Variants in ZNF160 observed in about 807,000 individuals in gnomAD.
ZNF160 encodes the protein zinc finger protein 160, also known as KRAB zinc finger protein KR18.
Under a neutral mutation model 13.1 loss-of-function variants are expected in ZNF160, and 9 were observed. The ratio of observed to expected loss-of-function variants is 0.69; its 90% confidence interval spans 0.41 to 1.20. The LOEUF (loss-of-function observed/expected upper bound fraction) is 1.20. Ranked by LOEUF, ZNF160 falls within the 50% of genes most tolerant of loss-of-function variation. The probability of loss-of-function intolerance (pLI) is 0.01; values close to 1 mark genes in which losing one functional copy is unlikely to be tolerated. For synonymous variants in ZNF160, 293 were observed against 333.2 expected, an observed-to-expected ratio of 0.88 and a Z score of 1.31; for missense variants, 838 against 988.0, an observed-to-expected ratio of 0.85 and a Z score of 2.04.
Position 53,068,110 on chromosome 19 carries a change from G to C in ZNF160, c.2424C>G (p.His808Gln), listed in dbSNP as rs1041538261. The change falls in exon 6 of 6, where the codon CAC becomes CAG. Residue 808 changes from histidine (H) to glutamine (Q), a missense_variant. Around this residue, in one of 3 missense-constraint regions of ZNF160, gnomAD observed 51 missense variants for 46.9 expected, o/e 1.09. Coordinates refer to ENST00000683776, the MANE Select transcript of ZNF160 (RefSeq NM_001322131.2). ...FRQSSNLASH[H>Q]RMHTGEKPYK is the part of the protein sequence containing the mutation. Reference sequence around the variant, plus strand: ...AAGGTTTCTCTCCGGTATGCATTCTGTGATGACTTGCAAGATTTGAACTCT... The same window carrying C: ...AAGGTTTCTCTCCGGTATGCATTCTCTGATGACTTGCAAGATTTGAACTCT... The C allele has an allele frequency of 6.2e-7, 1 of 1,611,928 alleles. No homozygotes were observed. The highest frequency in any genetic ancestry group is 1.7e-5 in the Admixed American group (1 of 59,916).
intron 3 of ZNF160, chr19:53,085,475 G>A (rs1305366600): frequency 6.6e-6 from 1 of 152,396 alleles, no homozygotes; most frequent in Non-Finnish European, 1.5e-5. Context: ...ATATATACAT[G>A]ATGCCATGTT....
In ZNF160 at chr19:53,067,806, C is replaced by G; in HGVS notation, c.*271G>C. 2.8e-6 allele frequency: 1 copy of G among 357,308 alleles called. No homozygotes were observed. The highest frequency in any genetic ancestry group is 5.0e-6 in the Non-Finnish European group (1 of 198,518). The allele number at this position is 357,308 out of a possible 1,614,324, so 22.1% of individuals were successfully genotyped here. ...TATTCCTCCTAGGAATCCTCACTTA[C>G]CATCGGTCACTGGGTAATGGCCTCA... On this transcript the variant is annotated 3_prime_UTR_variant, in exon 6 of 6. Transcript: ENST00000683776.
intron 4 of ZNF160, among the ~76,000 whole-genome samples, chr19:53,074,715 A>C (rs567942279): frequency 6.6e-6 from 1 of 152,024 alleles, no homozygotes; most frequent in East Asian, 1.9e-4. Context: ...CCTTCTGAAT[A>C]CCCAGGAAAC....
At chr19:53,073,579 T>G in intron 5 of ZNF160, 1 of 1,498,284 alleles carries the variant, frequency 6.7e-7, no homozygotes, top group Non-Finnish European at 8.9e-7. Flanking sequence ...TATGGAGGCT[T>G]CCCCTCTGAC....
intron 2 of ZNF160, among the ~76,000 whole-genome samples, chr19:53,089,142 G>A (rs574515027): frequency 4.6e-5 from 7 of 152,268 alleles, no homozygotes; most frequent in South Asian, 2.1e-4. Context: ...ACAGTTGGTC[G>A]CCCAGAAGTT....
chr19:53,070,102 T>C lies in ZNF160; in HGVS notation c.432A>G (p.Gln144=), dbSNP rs376916813. 44 of 1,614,050 alleles carry C rather than the reference T, an allele frequency of 2.7e-5. No individual in the cohort carries two copies. The highest frequency in any genetic ancestry group is 1.4e-4 in the South Asian group (13 of 91,086). Residue 144 remains glutamine (Q), a synonymous_variant, in exon 6 of 6, where the codon CAA becomes CAG. Coordinates refer to ENST00000683776, the MANE Select transcript of ZNF160 (RefSeq NM_001322131.2). ...TGTAATTTCCTGTGTCATCTCTCCATTGACACTCAAAATCATGCACATTTT... is the reference window on the plus strand; with the variant it reads ...TGTAATTTCCTGTGTCATCTCTCCACTGACACTCAAAATCATGCACATTTT... ...PQKNVHDFEC[Q]WRDDTGNYKG...
intron 2 of ZNF160, among the ~76,000 whole-genome samples, chr19:53,089,137 T>C (rs2084946851): frequency 6.6e-6 from 1 of 152,218 alleles, no homozygotes; most frequent in African/African-American, 2.4e-5. Context: ...AATTTACAGT[T>C]GGTCGCCCAG....
chr19:53,082,108 CA>C (rs1480259141), intron 3 of ZNF160, among the ~76,000 whole-genome samples: 1 of 152,086 alleles, frequency 6.6e-6, no homozygotes, highest in Non-Finnish European at 1.5e-5. Context: ...CTGGCGACTC[CA>C]AAAAGGAAGA....
intron 3 of ZNF160, among the ~76,000 whole-genome samples, chr19:53,082,389 A>T (rs1038049982): frequency 6.6e-6 from 1 of 152,250 alleles, no homozygotes; most frequent in Non-Finnish European, 1.5e-5. Flanking sequence ...AATGCTTCTA[A>T]AATCAGATGT....
intron 3 of ZNF160, among the ~76,000 whole-genome samples, chr19:53,076,595 C>T (rs2084400349): frequency 6.6e-6 from 1 of 152,108 alleles, no homozygotes; most frequent in Non-Finnish European, 1.5e-5. Context: ...GCCGAGATCA[C>T]GCCACTGCAC....
intron 3 of ZNF160, chr19:53,085,663 A>G (rs960532142): frequency 4.8e-6 from 1 of 209,560 alleles, no homozygotes; most frequent in South Asian, 9.1e-5. Flanking sequence ...GACTAGTTTA[A>G]TGAATCTTGT....
chr19:53,094,229 C>T (rs892988939), intron 1 of ZNF160, among the ~76,000 whole-genome samples: 3 of 152,018 alleles, frequency 2.0e-5, no homozygotes, highest in Non-Finnish European at 2.9e-5. Context: ...TACCAGATAC[C>T]GTTCCTCCAC....
intron 3 of ZNF160, among the ~76,000 whole-genome samples, chr19:53,082,912 T>A (rs560247330): frequency 6.6e-6 from 1 of 152,278 alleles, no homozygotes; most frequent in African/African-American, 2.4e-5. Context: ...TTAATCAGGG[T>A]TCCTGTAACT....
intron 5 of ZNF160, chr19:53,073,089 C>T: frequency 1.0e-6 from 1 of 974,356 alleles, no homozygotes; most frequent in Non-Finnish European, 1.4e-6. Flanking sequence ...CTATCATTTA[C>T]TCCTAATGTT....
intron 3 of ZNF160, among the ~76,000 whole-genome samples, chr19:53,081,152 T>C (rs978374751): frequency 4.6e-5 from 7 of 152,122 alleles, no homozygotes; most frequent in African/African-American, 9.7e-5. Context: ...TTCTAAGACT[T>C]TGGCCTAAGC....
At chr19:53,099,970 T>C (rs2085383646) in intron 1 of ZNF160, among the ~76,000 whole-genome samples, 1 of 152,352 alleles carries the variant, frequency 6.6e-6, no homozygotes, top group South Asian at 2.1e-4. Context: ...TTCTTTCACA[T>C]ACCTGGGCAA....
chr19:53,086,136 A>G (rs2084821211), intron 3 of ZNF160, 126 bp downstream of exon 3: 1 of 1,338,930 alleles, frequency 7.5e-7, no homozygotes, highest in Non-Finnish European at 1.1e-6. Context: ...GGACTGAGGG[A>G]AGGCGCGGGT....
intron 3 of ZNF160, chr19:53,075,648 C>A: frequency 2.1e-6 from 1 of 483,170 alleles, no homozygotes; most frequent in South Asian, 1.5e-5. Flanking sequence ...AGAATACATC[C>A]CAGCTCCTCA....
chr19:53,071,211 A>G (rs1452683940), intron 5 of ZNF160, among the ~76,000 whole-genome samples: 2 of 151,732 alleles, frequency 1.3e-5, no homozygotes, highest in African/African-American at 4.8e-5. Flanking sequence ...AAAAATAAAA[A>G]AATTAGTTTG....
Sources: allele counts gnomAD v4.1 joint callset (sites outside exome capture counted in the v4.1 genomes callset), GRCh38; gene constraint gnomAD v4.1.1; regional missense constraint gnomAD v4.1.1; transcripts MANE v1.5; gene names NCBI Gene and HGNC (gene_info 2026-07-23, HGNC 2026-07-21).